Variants in ASIC2 observed in about 807,000 individuals in gnomAD.
ASIC2 encodes acid sensing ion channel subunit 2.
Under a neutral mutation model 57.3 loss-of-function variants are expected in ASIC2, and 25 were observed. That is an observed-to-expected ratio of 0.44 (90% CI 0.32 to 0.61). The LOEUF (loss-of-function observed/expected upper bound fraction) is 0.61, where lower values mean the gene tolerates loss of function less well. Among genes scored for constraint, ASIC2 ranks in the 20% least tolerant of loss-of-function variants. The probability of loss-of-function intolerance (pLI) is 0.06; values close to 1 mark genes in which losing one functional copy is unlikely to be tolerated. For synonymous variants in ASIC2, 319 were observed against 307.5 expected, an observed-to-expected ratio of 1.04 and a Z score of -0.39; for missense variants, 641 against 738.1, an observed-to-expected ratio of 0.87 and a Z score of 1.52.
chr17:33,192,853 G>C (rs1906481189), intron 1 of ASIC2, among the ~76,000 whole-genome samples: 1 of 152,164 alleles, frequency 6.6e-6, no homozygotes, highest in East Asian at 1.9e-4. Context: ...CTGATATATT[G>C]TTTTAAAAAT....
intron 1 of ASIC2, among the ~76,000 whole-genome samples, chr17:33,395,287 G>A (rs2141955119): frequency 6.6e-6 from 1 of 152,066 alleles, no homozygotes; most frequent in East Asian, 1.9e-4. Flanking sequence ...AACCGAGACG[G>A]GCAATTTACA....
intron 3 of ASIC2, among the ~76,000 whole-genome samples, chr17:33,042,933 G>GTT (rs1180610374): frequency 4.8e-5 from 7 of 145,388 alleles, no homozygotes; most frequent in Admixed American, 1.4e-4. Flanking sequence ...TCCCTGTTTT[G>GTT]TTTTTTTTTT....
chr17:33,690,337 A>G lies in ASIC2; in HGVS notation c.555+465641T>C, dbSNP rs1481100857. 6.6e-5 allele frequency among the ~76,000 whole-genome samples: 10 copies of G among 152,304 alleles called. No homozygotes were observed. The East Asian group carries it at 1.9e-3, about 29-fold the overall frequency. On this transcript the variant is annotated intron_variant, in intron 1 of 9. Coordinates refer to the ASIC2 transcript ENST00000359872. ...CCCTATGGCACCAGTTGAAGCTAGA[A>G]TTTCCAAGTCTGTTTTTTCACTGAC...
intron 1 of ASIC2, among the ~76,000 whole-genome samples, chr17:33,426,226 T>G (rs768770259): frequency 3.3e-5 from 5 of 152,126 alleles, no homozygotes; most frequent in Non-Finnish European, 7.4e-5. Flanking sequence ...GTTTGGGGGA[T>G]TATTAAATAA....
intron 1 of ASIC2, among the ~76,000 whole-genome samples, chr17:33,556,320 G>A (rs1488111565): frequency 6.6e-6 from 1 of 152,192 alleles, no homozygotes; most frequent in African/African-American, 2.4e-5. Context: ...AAGGCATAAA[G>A]CAGAGATGCC....
intron 1 of ASIC2, among the ~76,000 whole-genome samples, chr17:33,605,872 C>T (rs932788698): frequency 1.3e-5 from 2 of 152,162 alleles, no homozygotes; most frequent in African/African-American, 4.8e-5. Flanking sequence ...GCACCCTTTT[C>T]TAGCATGCTC....
chr17:33,739,987 A>G (rs8074232), intron 1 of ASIC2, among the ~76,000 whole-genome samples: 1 of 142,528 alleles, frequency 7.0e-6, no homozygotes, highest in South Asian at 2.1e-4. Flanking sequence ...AAGAAAGAAA[A>G]AAGAAAGAAA....
intron 1 of ASIC2, among the ~76,000 whole-genome samples, chr17:33,311,434 G>C (rs1906420073): frequency 6.7e-6 from 1 of 149,684 alleles, no homozygotes; most frequent in Non-Finnish European, 1.5e-5. Flanking sequence ...CTATCTGTGT[G>C]TGTGTGTGTG....
chr17:33,444,211 C>T (rs1297338841), intron 1 of ASIC2, among the ~76,000 whole-genome samples: 1 of 152,180 alleles, frequency 6.6e-6, no homozygotes, highest in East Asian at 1.9e-4. Flanking sequence ...TTCTTCACTC[C>T]CCTACAGCCG....
intron 1 of ASIC2, among the ~76,000 whole-genome samples, chr17:33,549,333 G>C (rs3885647): frequency 0.12 from 17,863 of 152,108 alleles, 1,304 homozygotes; most frequent in South Asian, 0.28. Context: ...CTGGCCCTCA[G>C]CAAAGCTTTG....
chr17:33,193,601 C>A (rs946167790), intron 1 of ASIC2, among the ~76,000 whole-genome samples: 1 of 152,174 alleles, frequency 6.6e-6, no homozygotes, highest in Non-Finnish European at 1.5e-5. Flanking sequence ...AGTCCTGAAC[C>A]CATGACTGAC....
chr17:33,444,158 A>T (rs13341020), intron 1 of ASIC2, among the ~76,000 whole-genome samples: 111,857 of 152,092 alleles, frequency 0.74, 41,647 homozygotes, highest in Middle Eastern at 0.79. Context: ...TTTTGACAGT[A>T]TTGTCCAGTT....
At chr17:33,336,557 C>T (rs1043361994) in intron 1 of ASIC2, among the ~76,000 whole-genome samples, 1 of 152,096 alleles carries the variant, frequency 6.6e-6, no homozygotes, top group African/African-American at 2.4e-5. Context: ...TACAGAGATT[C>T]CCCAGTCCCC....
At chr17:33,815,787 C>G (rs576610978) in intron 1 of ASIC2, among the ~76,000 whole-genome samples, 1 of 152,136 alleles carries the variant, frequency 6.6e-6, no homozygotes, top group South Asian at 2.1e-4. Context: ...GGAAGTGTTC[C>G]TAGAATGCAT....
intron 1 of ASIC2, among the ~76,000 whole-genome samples, chr17:33,993,431 C>T (rs1459625816): frequency 6.6e-6 from 1 of 152,208 alleles, no homozygotes; most frequent in African/African-American, 2.4e-5. Context: ...CTGCCATGCG[C>T]CTCCCTGCAC....
chr17:33,834,985 C>CA (rs1349405512), intron 1 of ASIC2, among the ~76,000 whole-genome samples: 1 of 152,120 alleles, frequency 6.6e-6, no homozygotes, highest in Non-Finnish European at 1.5e-5. Context: ...CGTGCTCATT[C>CA]ATATTTTCAA....
intron 1 of ASIC2, among the ~76,000 whole-genome samples, chr17:34,119,677 C>T (rs560322627): frequency 6.6e-6 from 1 of 151,808 alleles, no homozygotes; most frequent in Non-Finnish European, 1.5e-5. Flanking sequence ...GAGCCCACTC[C>T]CCCTCTCTAT....
At chr17:33,380,913 C>T (rs1225837266) in intron 1 of ASIC2, among the ~76,000 whole-genome samples, 7 of 152,194 alleles carry the variant, frequency 4.6e-5, no homozygotes, top group Admixed American at 6.5e-5. Flanking sequence ...CTTCAGGCTA[C>T]ACTCCTTACT....
intron 1 of ASIC2, among the ~76,000 whole-genome samples, chr17:33,434,421 C>T (rs9894658): frequency 6.6e-6 from 1 of 151,840 alleles, no homozygotes; most frequent in Admixed American, 6.6e-5. Context: ...GGTAAAATTA[C>T]TGCACTTTAA....
Sources: gnomAD v4.1 joint callset for allele counts (sites outside exome capture counted in the v4.1 genomes callset) on GRCh38, gnomAD v4.1.1 for gene constraint, MANE v1.5 for transcripts, NCBI Gene and HGNC (gene_info 2026-07-23, HGNC 2026-07-21) for gene names.